The following STAG3 variants were observed in gnomAD, a reference collection of about 807,000 sequenced individuals.
STAG3 encodes STAG3 cohesin complex component, also known as cohesin subunit SA-3.
A neutral mutation model predicts 160.7 loss-of-function variants in STAG3; 101 were observed. The ratio of observed to expected loss-of-function variants is 0.63; its 90% confidence interval spans 0.54 to 0.74. The LOEUF (loss-of-function observed/expected upper bound fraction) is 0.74. Ranked by LOEUF, STAG3 falls within the 30% of genes least tolerant of loss-of-function variation. The pLI is 0.00. For missense variants in STAG3, 1,188 were observed against 1,517.4 expected, an observed-to-expected ratio of 0.78 and a Z score of 3.61; for synonymous variants, 519 against 585.0, an observed-to-expected ratio of 0.89 and a Z score of 1.63.
At position 100,191,392 on chromosome 7, in the gene STAG3, C is replaced by G. The variant is rs539575934; in HGVS notation, c.867+1796C>G. ...AATTGTTAGAAACATATACGGGCATCATACCTCAAAGATATTGCAGATTCA... is the reference window on the plus strand; with the variant it reads ...AATTGTTAGAAACATATACGGGCATGATACCTCAAAGATATTGCAGATTCA... On this transcript the variant is annotated intron_variant, in intron 8 of 33. Coordinates refer to ENST00000615138, the MANE Select transcript of STAG3 (RefSeq NM_001282717.2). Among the ~76,000 whole-genome samples, 7 of 152,260 alleles carry G rather than the reference C, an allele frequency of 4.6e-5. No individual in the cohort carries two copies. In the East Asian group the frequency reaches 1.3e-3, roughly 29 times the overall value.
At chr7:100,215,366 G>C (rs972023124), downstream of STAG3, among the ~76,000 whole-genome samples, 2 of 151,500 alleles carry the variant, frequency 1.3e-5, no homozygotes, top group South Asian at 2.1e-4. Flanking sequence ...GCCCCTCCCA[G>C]ATGAAAGCTA....
chr7:100,201,370 G>C lies in STAG3; in HGVS notation c.2220+19G>C, dbSNP rs1801114182. The C allele has an allele frequency of 1.2e-6, 2 of 1,611,342 alleles. No homozygotes were observed. Among genetic ancestry groups the C allele is most frequent in the East Asian group, 4.5e-5 (2 of 44,868 alleles). On this transcript the variant is annotated intron_variant, in intron 21 of 33. Coordinates refer to ENST00000615138, the MANE Select transcript of STAG3 (RefSeq NM_001282717.2). ...TCACCAGGTGAGTGGACAGGCTAGAGATGGGTTGGGGGCTGGGGGGCTAGA... is the reference window on the plus strand; with the variant it reads ...TCACCAGGTGAGTGGACAGGCTAGACATGGGTTGGGGGCTGGGGGGCTAGA...
rs960080079 is a variant in STAG3, at chr7:100,201,256, C to T, written c.2133-8C>T. On this transcript the variant is annotated splice_region_variant and splice_polypyrimidine_tract_variant and intron_variant, in intron 20 of 33. Transcript: ENST00000615138. ...TTCCAGTATAACATTCCCCTTTCTC[C>T]CCCAAAGCACTCATGACCTGACTCG... 6.2e-7 allele frequency: 1 copy of T among 1,614,118 alleles called. No individual in the cohort carries two copies. The highest frequency in any genetic ancestry group is 8.5e-7 in the Non-Finnish European group (1 of 1,180,002).
chr7:100,196,331 A>C (rs779650941), intron 9 of STAG3, among the ~76,000 whole-genome samples: 4 of 149,900 alleles, frequency 2.7e-5, no homozygotes, highest in Admixed American at 2.0e-4. Context: ...CCCAGGCTGG[A>C]GTGCAGTGGT....
chr7:100,197,666 G>A, intron 10 of STAG3, 112 bp from the exon 11 acceptor site: 1 of 872,448 alleles, frequency 1.1e-6, no homozygotes, highest in Non-Finnish European at 2.0e-6. Flanking sequence ...CTCAGTAGAG[G>A]GGACACCCAA....
chr7:100,205,288 C>T lies in STAG3; in HGVS notation c.3142C>T (p.Pro1048Ser), dbSNP rs979814800. 6.2e-6 allele frequency: 10 copies of T among 1,613,976 alleles called. No homozygotes were observed. Among genetic ancestry groups the T allele is most frequent in the African/African-American group, 1.3e-5 (1 of 74,886 alleles). The change falls in exon 29 of 34, where the codon CCA (proline) becomes TCA (serine). Residue 1048 changes from proline to serine, a missense_variant. Pro to Ser is a moderately conservative substitution (Grantham distance 74). Around this residue, in one of 4 missense-constraint regions of STAG3, gnomAD observed 647 missense variants for 717.2 expected, o/e 0.90. Transcript: ENST00000615138. ...CCAGGCACCTGGCCATCCCTGGGGCCCAGTCACCACCTACTGCCACTCCCT... is the reference window on the plus strand; with the variant it reads ...CCAGGCACCTGGCCATCCCTGGGGCTCAGTCACCACCTACTGCCACTCCCT... ...VSQAPGHPWG[P>S]VTTYCHSLSP...
At chr7:100,180,275 G>T (rs182438992) in intron 1 of STAG3, among the ~76,000 whole-genome samples, 3 of 151,636 alleles carry the variant, frequency 2.0e-5, no homozygotes, top group African/African-American at 7.3e-5. Flanking sequence ...GCCCAGGCTG[G>T]TCTTGAACTC....
At position 100,207,373 on chromosome 7, in the gene STAG3, C is replaced by T. The variant is rs760883956; in HGVS notation, c.3238+1989C>T. Among the ~76,000 whole-genome samples, 6 of 152,122 alleles carry T rather than the reference C, an allele frequency of 3.9e-5. No homozygotes were observed. Among genetic ancestry groups the T allele is most frequent in the African/African-American group, 9.7e-5 (4 of 41,422 alleles). On this transcript the variant is annotated intron_variant, in intron 29 of 33. Transcript: ENST00000615138. The surrounding 1 kb of genome is among the most constrained non-coding windows in gnomAD (Gnocchi z 4.0). ...GACTCTGGTTTCTCCATGTTGTCAC[C>T]GGTACTTATTAATGTCTTTTTTTAT...
chr7:100,188,344 A>G, intron 5 of STAG3, 109 bp from the exon 6 acceptor site: 1 of 816,394 alleles, frequency 1.2e-6, no homozygotes. Flanking sequence ...CTCATTCCCC[A>G]CCTAAGCTCT....
In STAG3 at chr7:100,199,381, G is replaced by A. The variant is rs748714185; in HGVS notation, c.1573+14G>A. ...AGAAGGACCAGAGTACGTGTCACAC[G>A]GAGCCAGGGACAGGGACCTTCCACC... On this transcript the variant is annotated intron_variant, in intron 15 of 33. Transcript: ENST00000615138. 5.0e-6 allele frequency: 8 copies of A among 1,609,256 alleles called. No individual in the cohort carries two copies. In the African/African-American group the frequency reaches 5.3e-5, roughly 11 times the overall value.
At chr7:100,195,255 C>A in intron 8 of STAG3, 54 bp from the exon 9 acceptor site, 4 of 1,503,862 alleles carry the variant, frequency 2.7e-6, no homozygotes, top group South Asian at 2.3e-5. Context: ...ATCTTCAGGG[C>A]CTTATGCTTG....
intron 25 of STAG3, among the ~76,000 whole-genome samples, chr7:100,203,506 A>AT (rs767866748): frequency 1.3e-5 from 2 of 148,770 alleles, no homozygotes; most frequent in Non-Finnish European, 3.0e-5. Context: ...TTTTTATTTT[A>AT]TTTATTTATT....
chr7:100,211,282 A>G lies in STAG3; in HGVS notation c.3413+97A>G. On this transcript the variant is annotated intron_variant, in intron 30 of 33. Coordinates refer to ENST00000615138, the MANE Select transcript of STAG3 (RefSeq NM_001282717.2). ...CTGTTTCATGGTTCCCTGCTGTAGC[A>G]CTCCCACATTGTTGGGTTCTTCTCA... is the stretch of plus-strand genomic sequence containing the variant. 5.4e-6 allele frequency: 8 copies of G among 1,486,372 alleles called. No individual in the cohort carries two copies. In the South Asian group the frequency reaches 1.0e-4, roughly 20 times the overall value. 92.1% of individuals were successfully genotyped at this position (1,486,372 alleles called of 1,614,324 possible). A position where few individuals can be genotyped will look rare whatever the true frequency, so the allele number is the denominator to read the frequency against.
At chr7:100,213,981 T>A (rs750134276) in intron 33 of STAG3, 26 bp from the exon 34 acceptor site, 1 of 1,614,214 alleles carries the variant, frequency 6.2e-7, no homozygotes, top group South Asian at 1.1e-5. Flanking sequence ...GTGTCCTGTG[T>A]ATTCCTTTCA....
At chr7:100,202,756 G>C (rs1030452405) in intron 25 of STAG3, among the ~76,000 whole-genome samples, 166 bp downstream of exon 25, 1 of 152,168 alleles carries the variant, frequency 6.6e-6, no homozygotes, top group Non-Finnish European at 1.5e-5. Context: ...ACAAAGAAAA[G>C]AGACTTAATA....
chr7:100,202,498 C>T lies in STAG3; in HGVS notation c.2608C>T (p.Arg870Trp), dbSNP rs768767781. Residue 870 changes from arginine to tryptophan, a missense_variant, in exon 25 of 34, where the codon CGG becomes TGG. Arg to Trp is a moderately radical substitution (Grantham distance 101, BLOSUM62 -3). This residue lies in a region of STAG3 where 647 missense variants were observed against 717.2 expected (regional missense o/e 0.90). Coordinates refer to ENST00000615138, the MANE Select transcript of STAG3 (RefSeq NM_001282717.2). The stretch of plus-strand genomic sequence containing the variant: ...TTTACAGATAGAGCGGCTACACCAG[C>T]GGCGCCGCCTCCTAGCCGGGTTCTG... ...DHLQIERLHQRRRLLAGFCKL... is the reference protein window; with the variant it reads ...DHLQIERLHQWRRLLAGFCKL... The T allele has an allele frequency of 1.1e-5, 17 of 1,614,154 alleles. No homozygotes were observed. The highest frequency in any genetic ancestry group is 2.7e-5 in the African/African-American group (2 of 75,038).
chr7:100,208,331 C>A (rs1801855345), intron 29 of STAG3, among the ~76,000 whole-genome samples: 1 of 151,992 alleles, frequency 6.6e-6, no homozygotes, highest in Admixed American at 6.6e-5. Context: ...ATACTATGTT[C>A]AGTGTTTTAG....
intron 4 of STAG3, among the ~76,000 whole-genome samples, chr7:100,183,634 A>G (rs1799792755): frequency 6.6e-6 from 1 of 152,258 alleles, no homozygotes; most frequent in South Asian, 2.1e-4. Context: ...ATAGTGCTGT[A>G]GAGATCCTTT....
chr7:100,218,806 C>T (rs1360797438), downstream of STAG3: 4 of 237,490 alleles, frequency 1.7e-5, no homozygotes, highest in South Asian at 5.2e-5. Flanking sequence ...AGCCTTCCCT[C>T]GGGATAGGAT....
Sources: allele counts gnomAD v4.1 joint callset (sites outside exome capture counted in the v4.1 genomes callset), GRCh38; gene constraint gnomAD v4.1.1; regional missense constraint gnomAD v4.1.1; non-coding constraint Gnocchi (gnomAD v3.1); transcripts MANE v1.5; gene names NCBI Gene and HGNC (gene_info 2026-07-23, HGNC 2026-07-21).